PRKDC: variants seen among roughly 807,000 people sequenced by gnomAD.
PRKDC encodes DNA-dependent protein kinase catalytic subunit.
Under a neutral mutation model 486.9 loss-of-function variants are expected in PRKDC, and 82 were observed. The observed-to-expected ratio is 0.17, with a 90% CI of 0.14 to 0.20. The LOEUF (loss-of-function observed/expected upper bound fraction) is 0.20. Ranked by LOEUF, PRKDC falls within the 10% of genes least tolerant of loss-of-function variation. The pLI is 1.00. For missense variants in PRKDC, 4,504 were observed against 5,038.2 expected (o/e 0.89, Z 3.21); for synonymous variants, 1,895 against 1,837.0 (o/e 1.03, Z -0.81).
At chr8:47,878,780 T>A (rs557510717) in intron 39 of PRKDC, among the ~76,000 whole-genome samples, 2 of 152,238 alleles carry the variant, frequency 1.3e-5, no homozygotes, top group Non-Finnish European at 2.9e-5. Context: ...TCTCTGAAAC[T>A]GTTGTGTGCA....
chr8:47,867,479 T>A (rs1037552831), intron 40 of PRKDC, among the ~76,000 whole-genome samples: 6 of 152,230 alleles, frequency 3.9e-5, no homozygotes, highest in Non-Finnish European at 8.8e-5. Flanking sequence ...TGACTGTATA[T>A]CCTTAGATGG....
rs186109365 is a variant in PRKDC at position 47,957,573 on chromosome 8, C to T, written c.155-142G>A. 611 of 648,930 alleles carry T rather than the reference C, an allele frequency of 9.4e-4. 2 individuals are homozygous for T. Among genetic ancestry groups the T allele is most frequent in the Non-Finnish European group, 1.3e-3 (523 of 395,252 alleles). The allele number at this position is 648,930 out of a possible 1,614,324, so 40.2% of individuals were successfully genotyped here. A position where few individuals can be genotyped will look rare whatever the true frequency, so the allele number is the denominator to read the frequency against. Reference sequence around the variant, plus strand: ...TCGCCCAGGCTGGAGTGCAGCGGCGCGATCTCGGCTCACTGCAACCTCCGC... The same window carrying T: ...TCGCCCAGGCTGGAGTGCAGCGGCGTGATCTCGGCTCACTGCAACCTCCGC... On this transcript the variant is annotated intron_variant, in intron 1 of 85. Coordinates refer to ENST00000314191, the MANE Select transcript of PRKDC (RefSeq NM_006904.7).
chr8:47,860,873 T>C, intron 45 of PRKDC, 26 bp downstream of exon 45: 1 of 1,563,042 alleles, frequency 6.4e-7, no homozygotes, highest in Non-Finnish European at 8.7e-7. Context: ...TTTGAATCCT[T>C]TCTCATGATT....
Position 47,864,695 on chromosome 8 carries a change from C to A in PRKDC, c.5432G>T (p.Arg1811Leu). The change falls in exon 41 of 86, where the codon CGC becomes CTC. Residue 1811 changes from arginine (R) to leucine (L), a missense_variant. Arg to Leu is a moderately radical substitution (Grantham distance 102). Transcript: ENST00000314191. ...VYEMFRKDDP[R>L]LSFTRQSFVD... ...AAAGGACTGGCGTGTGAAACTTAGG[C>A]GGGGGTCATCCTTCCTGAACATTTC... 6.2e-7 allele frequency: 1 copy of A among 1,606,990 alleles called. No homozygotes were observed. The highest frequency in any genetic ancestry group is 8.5e-7 in the Non-Finnish European group (1 of 1,176,632).
chr8:47,874,955 T>C (rs2089059621), intron 40 of PRKDC, among the ~76,000 whole-genome samples: 1 of 152,068 alleles, frequency 6.6e-6, no homozygotes, highest in African/African-American at 2.4e-5. Flanking sequence ...CTCACGAGGC[T>C]GAAGTGGGAG....
At chr8:47,814,109 A>G (rs1381604054) in intron 68 of PRKDC, among the ~76,000 whole-genome samples, 1 of 152,262 alleles carries the variant, frequency 6.6e-6, no homozygotes, top group Non-Finnish European at 1.5e-5. Flanking sequence ...CTTCATAAAC[A>G]CAATAAAGGA....
At chr8:47,886,722 CTG>C (rs1170587229) in intron 35 of PRKDC, among the ~76,000 whole-genome samples, 2 of 152,126 alleles carry the variant, frequency 1.3e-5, no homozygotes, top group Non-Finnish European at 2.9e-5. Context: ...GGGTGTCACT[CTG>C]TTGCCCAGGC....
Position 47,862,056 on chromosome 8 carries a change from A to C in PRKDC, c.5985+6T>G, listed in dbSNP as rs746662278. 3.2e-6 allele frequency: 5 copies of C among 1,540,322 alleles called. No homozygotes were observed. Among genetic ancestry groups the C allele is most frequent in the Non-Finnish European group, 4.4e-6 (5 of 1,139,628 alleles). On this transcript the variant is annotated splice_donor_region_variant and intron_variant, in intron 44 of 85. Coordinates refer to ENST00000314191, the MANE Select transcript of PRKDC (RefSeq NM_006904.7). ...AGTTTTTTTTAACATTGAAAATTTC[A>C]CTCACCTCAACTTCTACAGGAAAAT...
intron 58 of PRKDC, among the ~76,000 whole-genome samples, chr8:47,834,916 T>C (rs1329904465): frequency 6.6e-6 from 1 of 152,128 alleles, no homozygotes; most frequent in Non-Finnish European, 1.5e-5. Context: ...GGTCTCGATC[T>C]CCTGACCTCG....
intron 23 of PRKDC, 87 bp from the exon 24 acceptor site, chr8:47,914,151 C>T: frequency 1.7e-6 from 2 of 1,174,278 alleles, no homozygotes; most frequent in African/African-American, 3.1e-5. Context: ...ATTTCTAATG[C>T]CAGCTGTTCT....
At chr8:47,889,805 C>T (rs1469203757) in intron 32 of PRKDC, among the ~76,000 whole-genome samples, 1 of 152,186 alleles carries the variant, frequency 6.6e-6, no homozygotes, top group African/African-American at 2.4e-5. Flanking sequence ...ATAGATCATT[C>T]ATCATGATGA....
In PRKDC at chr8:47,794,390, T is replaced by C. The variant is rs374286545; in HGVS notation, c.10570A>G (p.Asn3524Asp). 1.2e-6 allele frequency: 2 copies of C among 1,613,910 alleles called. No homozygotes were observed. The highest frequency in any genetic ancestry group is 1.7e-6 in the Non-Finnish European group (2 of 1,179,806). Residue 3524 changes from asparagine to aspartate, a missense_variant, in exon 74 of 86, where the codon AAC becomes GAC. By Grantham distance (23) the Asn-to-Asp change is conservative. Transcript: ENST00000314191. ...GGATAAACAATAGCCTGCGGGTAGT[T>C]ATCAGTGATTTCTTCCACAGAGTGC... ...VQHSVEEITD[N>D]YPQAIVYPFI...
rs191866687 is a variant in PRKDC, at chr8:47,898,078, T to C, written c.3464+392A>G. ...CATTTCCTAATTTTATAATTCCATGTCTGTCAAAATGTTACTATTTGAACA... is the reference window on the plus strand; with the variant it reads ...CATTTCCTAATTTTATAATTCCATGCCTGTCAAAATGTTACTATTTGAACA... On this transcript the variant is annotated intron_variant, in intron 29 of 85. Transcript: ENST00000314191. Among the ~76,000 whole-genome samples the C allele has an allele frequency of 3.9e-3, 601 of 152,372 alleles. 9 individuals carry two copies. Among genetic ancestry groups the C allele is most frequent in the Non-Finnish European group, 5.5e-3 (375 of 68,040 alleles).
At chr8:47,776,146 G>C (rs1302615145) in intron 85 of PRKDC, among the ~76,000 whole-genome samples, 1 of 152,110 alleles carries the variant, frequency 6.6e-6, no homozygotes, top group Non-Finnish European at 1.5e-5. Context: ...GTGTTTTATA[G>C]TTTTGACTCT....
chr8:47,830,361 G>A (rs925323473), intron 61 of PRKDC, among the ~76,000 whole-genome samples: 2 of 152,098 alleles, frequency 1.3e-5, no homozygotes, highest in South Asian at 2.1e-4. Flanking sequence ...GATAAATAAC[G>A]ATAAATAACG....
intron 30 of PRKDC, among the ~76,000 whole-genome samples, chr8:47,896,451 T>C (rs1471457345): frequency 6.6e-6 from 1 of 151,756 alleles, no homozygotes; most frequent in African/African-American, 2.4e-5. Context: ...ATAGAGACCA[T>C]CCTGGCTAAC....
In PRKDC at chr8:47,802,189, G is replaced by A. The variant is rs71548445; in HGVS notation, c.9922+1117C>T. Reference sequence around the variant, plus strand: ...ACTCCTGATCTCAAGCCATCCTCCCGCCTCAGACTCCCCAGTAGCTGGGAC... The same window carrying A: ...ACTCCTGATCTCAAGCCATCCTCCCACCTCAGACTCCCCAGTAGCTGGGAC... On this transcript the variant is annotated intron_variant, in intron 70 of 85. Coordinates refer to ENST00000314191, the MANE Select transcript of PRKDC (RefSeq NM_006904.7). 2.5e-3 allele frequency among the ~76,000 whole-genome samples: 376 copies of A among 152,130 alleles called. 1 individual carries two copies. Among genetic ancestry groups the A allele is most frequent in the South Asian group, 0.013 (61 of 4,818 alleles).
chr8:47,956,977 CCAAAAAAAAAAAA>C (rs2090713742), intron 3 of PRKDC, among the ~76,000 whole-genome samples, 181 bp downstream of exon 3: 1 of 11,454 alleles, frequency 8.7e-5, no homozygotes, highest in Admixed American at 1.5e-3. Flanking sequence ...AACTCCTTCT[CCAAAAAAAAAAAA>C]AAAAAAAAAA....
chr8:47,904,420 A>T (rs1268166628), intron 26 of PRKDC, among the ~76,000 whole-genome samples: 1 of 152,138 alleles, frequency 6.6e-6, no homozygotes, highest in Non-Finnish European at 1.5e-5. Context: ...ATGCCAGCTA[A>T]TTTTTCTATT....
Sources: allele counts gnomAD v4.1 joint callset (sites outside exome capture counted in the v4.1 genomes callset), GRCh38; gene constraint gnomAD v4.1.1; transcripts MANE v1.5; gene names NCBI Gene and HGNC (gene_info 2026-07-23, HGNC 2026-07-21).